CADPS: variants seen among roughly 807,000 people sequenced by gnomAD.
CADPS encodes calcium-dependent secretion activator 1.
CADPS carries 57 observed loss-of-function variants against 167.3 expected under a neutral mutation model. That is an observed-to-expected ratio of 0.34 (90% CI 0.28 to 0.42). CADPS has a LOEUF of 0.42. Ranked by LOEUF, CADPS falls within the 20% of genes least tolerant of loss-of-function variation. CADPS has a pLI of 1.00. For missense variants in CADPS, 1,414 were observed against 1,738.1 expected (o/e 0.81, Z 3.32); for synonymous variants, 676 against 635.3 (o/e 1.06, Z -0.96).
At chr3:62,782,170 G>T (rs989401213) in intron 1 of CADPS, among the ~76,000 whole-genome samples, 7 of 152,052 alleles carry the variant, frequency 4.6e-5, no homozygotes, top group Admixed American at 3.9e-4. Flanking sequence ...GAAATACCAG[G>T]GGGGAAAAAA....
chr3:62,555,890 C>T (rs906228208), intron 10 of CADPS, among the ~76,000 whole-genome samples: 6 of 152,050 alleles, frequency 3.9e-5, no homozygotes, highest in African/African-American at 1.4e-4. Flanking sequence ...TAGCACACAC[C>T]TACAGGTGTG....
intron 16 of CADPS, 62 bp downstream of exon 16, chr3:62,515,997 G>T: frequency 1.3e-6 from 2 of 1,599,958 alleles, no homozygotes; most frequent in Non-Finnish European, 1.7e-6. Flanking sequence ...AAAAGAGAAA[G>T]ACTTCCCCAG....
intron 8 of CADPS, among the ~76,000 whole-genome samples, chr3:62,577,900 T>TCAGCTAATTCCAAAGAAAGCAGAAAAATA: frequency 6.6e-6 from 1 of 152,116 alleles, no homozygotes; most frequent in Non-Finnish European, 1.5e-5. Flanking sequence ...ACAAAGATAT[T>TCAGCTAATTCCAAAGAAAGCAGAAAAATA]CAGCTAATTC....
rs4082840 is a variant in CADPS, at chr3:62,517,388, A to G, written c.2394-745T>C. Among the ~76,000 whole-genome samples the G allele has an allele frequency of 3.1e-3, 477 of 152,202 alleles. 1 individual carries two copies. Among genetic ancestry groups the G allele is most frequent in the African/African-American group, 0.011 (445 of 41,536 alleles). ...CTGGATTGCCTTGGGCAAGTTCCTT[A>G]ACCTCTCTCAGCCTCACTTTGTTCC... On this transcript the variant is annotated intron_variant, in intron 14 of 29. Coordinates refer to ENST00000383710, the MANE Select transcript of CADPS (RefSeq NM_003716.4).
rs1562117969 is a variant in CADPS, at chr3:62,557,434, T to C, written c.1724A>G (p.Tyr575Cys). The change falls in exon 10 of 30, where the codon TAC (tyrosine) becomes TGC (cysteine). Residue 575 changes from tyrosine (Y) to cysteine (C), a missense_variant. Tyr to Cys is a radical substitution (Grantham distance 194). Transcript: ENST00000383710. The stretch of plus-strand genomic sequence containing the variant: ...CTGGGGGTCGGTGTAATCCACAGTG[T>C]AGCCATCCAATTGTAGAAGTTCCTG... Reference protein sequence around the residue: ...EPQELLQLDGYTVDYTDPQPG... With the variant: ...EPQELLQLDGCTVDYTDPQPG... 2 of 1,613,996 alleles carry C rather than the reference T, an allele frequency of 1.2e-6. No homozygotes were observed.
chr3:62,845,049 G>A (rs891951730), intron 1 of CADPS, among the ~76,000 whole-genome samples: 1 of 152,194 alleles, frequency 6.6e-6, no homozygotes, highest in African/African-American at 2.4e-5. Context: ...GGTACTTTTA[G>A]CTCTACCTTT....
At chr3:62,744,518 A>G (rs2081029150) in intron 3 of CADPS, among the ~76,000 whole-genome samples, 1 of 152,222 alleles carries the variant, frequency 6.6e-6, no homozygotes, top group African/African-American at 2.4e-5. Flanking sequence ...AGCATGGGGA[A>G]TCTGGACTGG....
chr3:62,617,455 T>C (rs905473890), intron 6 of CADPS, among the ~76,000 whole-genome samples: 1 of 152,198 alleles, frequency 6.6e-6, no homozygotes, highest in Non-Finnish European at 1.5e-5. Flanking sequence ...GATAAATTTC[T>C]AAGTCTGTGT....
At chr3:62,685,475 T>A (rs2077836156) in intron 3 of CADPS, among the ~76,000 whole-genome samples, 1 of 151,994 alleles carries the variant, frequency 6.6e-6, no homozygotes, top group Non-Finnish European at 1.5e-5. Context: ...AAAAACAGAC[T>A]AATCCTAACG....
Position 62,827,075 on chromosome 3 carries a change from T to C in CADPS, c.441+47514A>G, listed in dbSNP as rs1051439441. The stretch of plus-strand genomic sequence containing the variant: ...CTTGATATGAAACACCACATCCCAG[T>C]AGATAATTTGATTGCAGACAAGATC... On this transcript the variant is annotated intron_variant, in intron 1 of 29. Coordinates refer to ENST00000383710, the MANE Select transcript of CADPS (RefSeq NM_003716.4). Among the ~76,000 whole-genome samples, 11 of 152,126 alleles carry C rather than the reference T, an allele frequency of 7.2e-5. No homozygotes were observed. In the East Asian group the frequency reaches 1.3e-3, roughly 19 times the overall value.
chr3:62,728,372 T>C (rs529876), intron 3 of CADPS, among the ~76,000 whole-genome samples: 34,462 of 151,578 alleles, frequency 0.23, 4,429 homozygotes, highest in African/African-American at 0.31. Flanking sequence ...ACAACCTAAT[T>C]AGGAAAATTT....
In CADPS at chr3:62,845,689, T is replaced by G. The variant is rs559849691; in HGVS notation, c.441+28900A>C. On this transcript the variant is annotated intron_variant, in intron 1 of 29. Coordinates refer to ENST00000383710, the MANE Select transcript of CADPS (RefSeq NM_003716.4). Reference sequence around the variant, plus strand: ...CTTTTAATCTATCAATTTATCTTTCTGTTCCCCTCCCACCTCCCACTATCA... The same window carrying G: ...CTTTTAATCTATCAATTTATCTTTCGGTTCCCCTCCCACCTCCCACTATCA... 9.6e-4 allele frequency among the ~76,000 whole-genome samples: 147 copies of G among 152,342 alleles called. 1 individual carries two copies. Among genetic ancestry groups the G allele is most frequent in the African/African-American group, 3.5e-3 (144 of 41,588 alleles).
chr3:62,801,933 T>C (rs1225082304), intron 1 of CADPS, among the ~76,000 whole-genome samples: 1 of 152,196 alleles, frequency 6.6e-6, no homozygotes, highest in Non-Finnish European at 1.5e-5. Flanking sequence ...AGTTATTTTG[T>C]TGGACACAAT....
At chr3:62,471,184 T>C (rs2060561307) in intron 24 of CADPS, among the ~76,000 whole-genome samples, 1 of 152,162 alleles carries the variant, frequency 6.6e-6, no homozygotes, top group Admixed American at 6.5e-5. Context: ...GTCCATACGA[T>C]GTCATGATTA....
In CADPS at chr3:62,585,249, C is replaced by A; in HGVS notation, c.1513G>T (p.Asp505Tyr). 6.2e-7 allele frequency: 1 copy of A among 1,613,796 alleles called. No homozygotes were observed. The highest frequency in any genetic ancestry group is 8.5e-7 in the Non-Finnish European group (1 of 1,179,814). ...GCAAGTTTGATTTTGAGATCTTGGT[C>A]GGGGCAGTTTTTGGAGACTGTCATT... ...HKMTVSKNCP[D>Y]QDLKIKLAVR... The change falls in exon 8 of 30, where the codon GAC becomes TAC. Residue 505 changes from aspartate (D) to tyrosine (Y), a missense_variant. Physicochemically the swap from Asp to Tyr is radical, Grantham distance 160. Transcript: ENST00000383710.
chr3:62,614,505 A>C (rs1428052027), intron 6 of CADPS, among the ~76,000 whole-genome samples: 1 of 152,214 alleles, frequency 6.6e-6, no homozygotes, highest in African/African-American at 2.4e-5. Flanking sequence ...GCAAGCAGGA[A>C]GCTTACACAC....
intron 8 of CADPS, among the ~76,000 whole-genome samples, chr3:62,584,400 C>T (rs2084114863): frequency 6.6e-6 from 1 of 152,140 alleles, no homozygotes; most frequent in Admixed American, 6.5e-5. Flanking sequence ...TCTCTAGGGC[C>T]CAGAGGGGCT....
intron 24 of CADPS, among the ~76,000 whole-genome samples, chr3:62,472,953 C>T (rs1473768292): frequency 6.6e-6 from 1 of 152,184 alleles, no homozygotes; most frequent in East Asian, 1.9e-4. Context: ...ATTAGCATCG[C>T]CACGGAACTT....
chr3:62,690,244 C>G lies in CADPS; in HGVS notation c.889-27850G>C, dbSNP rs1206328095. On this transcript the variant is annotated intron_variant, in intron 3 of 29. Coordinates refer to ENST00000383710, the MANE Select transcript of CADPS (RefSeq NM_003716.4). ...CAGTTGGCCATAGTCCCCACCATTC[C>G]CAATATACTGAGAGGGAGAACAAAA... 2.0e-5 allele frequency among the ~76,000 whole-genome samples: 3 copies of G among 151,918 alleles called. No individual in the cohort carries two copies. The East Asian group carries it at 5.8e-4, about 30-fold the overall frequency.
Sources: gnomAD v4.1 joint callset for allele counts (sites outside exome capture counted in the v4.1 genomes callset) on GRCh38, gnomAD v4.1.1 for gene constraint, MANE v1.5 for transcripts, NCBI Gene and HGNC (gene_info 2026-07-23, HGNC 2026-07-21) for gene names.